The following DSCAM variants were observed in gnomAD, a reference collection of about 807,000 sequenced individuals.
DSCAM encodes DS cell adhesion molecule.
DSCAM carries 47 observed loss-of-function variants against 217.7 expected under a neutral mutation model. That is an observed-to-expected ratio of 0.22 (90% CI 0.17 to 0.28). The LOEUF (loss-of-function observed/expected upper bound fraction) is 0.28, where lower values mean the gene tolerates loss of function less well. DSCAM is among the 10% of genes least tolerant of loss of function. DSCAM has a pLI of 1.00. For synonymous variants in DSCAM, 1,056 were observed against 1,015.3 expected, an observed-to-expected ratio of 1.04 and a Z score of -0.76; for missense variants, 2,080 against 2,618.3, an observed-to-expected ratio of 0.79 and a Z score of 4.49.
chr21:40,081,140 G>A lies in DSCAM; in HGVS notation c.4232-800C>T, dbSNP rs143671894. On this transcript the variant is annotated intron_variant, in intron 24 of 32. Coordinates refer to ENST00000400454, the MANE Select transcript of DSCAM (RefSeq NM_001389.5). Reference sequence around the variant, plus strand: ...ATGCAGATCCTGCAGTCAGCCTGAAGCCCATGTTCTTCACCCCTGTGAATG... The same window carrying A: ...ATGCAGATCCTGCAGTCAGCCTGAAACCCATGTTCTTCACCCCTGTGAATG... Among the ~76,000 whole-genome samples the A allele has an allele frequency of 3.4e-3, 511 of 152,298 alleles. 4 individuals are homozygous for A. Among genetic ancestry groups the A allele is most frequent in the African/African-American group, 0.011 (453 of 41,568 alleles).
In DSCAM at chr21:40,126,041, T is replaced by G. The variant is rs150167086; in HGVS notation, c.3563-1713A>C. Among the ~76,000 whole-genome samples, 604 of 152,326 alleles carry G rather than the reference T, an allele frequency of 4.0e-3. 2 individuals are homozygous for G. The highest frequency in any genetic ancestry group is 6.7e-3 in the Non-Finnish European group (453 of 68,034). On this transcript the variant is annotated intron_variant, in intron 19 of 32. Coordinates refer to ENST00000400454, the MANE Select transcript of DSCAM (RefSeq NM_001389.5). Reference sequence around the variant, plus strand: ...TCAGTTGTATTTGTTTCCAACCTGTTTGTGACAATTGTACGTGTCATGGGT... The same window carrying G: ...TCAGTTGTATTTGTTTCCAACCTGTGTGTGACAATTGTACGTGTCATGGGT...
At chr21:40,106,109 G>T (rs1206874446) in intron 20 of DSCAM, among the ~76,000 whole-genome samples, 1 of 152,172 alleles carries the variant, frequency 6.6e-6, no homozygotes. Context: ...GGCGAAGGAG[G>T]AGCAAAGGCA....
At chr21:40,751,649 T>C (rs906196556) in intron 1 of DSCAM, among the ~76,000 whole-genome samples, 1 of 152,018 alleles carries the variant, frequency 6.6e-6, no homozygotes, top group Non-Finnish European at 1.5e-5. Flanking sequence ...CAAAGAACAT[T>C]GAGGATTAGT....
chr21:40,133,907 C>T lies in DSCAM; in HGVS notation c.3509G>A (p.Arg1170His), dbSNP rs541446344. The change falls in exon 19 of 33, where the codon CGC becomes CAC. Residue 1170 changes from arginine (R) to histidine (H), a missense_variant. Arg to His is a conservative substitution (Grantham distance 29). Coordinates refer to ENST00000400454, the MANE Select transcript of DSCAM (RefSeq NM_001389.5). ...CTCACTCCTGACCCCGTCTCCTGCG[C>T]GGGTGAAGGCCAGCACCTGGATGCT... ...NYSIQVLAFT[R>H]AGDGVRSEQI... 2.5e-5 allele frequency: 41 copies of T among 1,613,704 alleles called. No homozygotes were observed. Among genetic ancestry groups the T allele is most frequent in the Middle Eastern group, 1.7e-4 (1 of 6,052 alleles).
rs369438004 is a variant in DSCAM, at chr21:40,276,185, G to C, written c.2268C>G (p.Val756=). 3.7e-6 allele frequency: 6 copies of C among 1,613,194 alleles called. No individual in the cohort carries two copies. Among genetic ancestry groups the C allele is most frequent in the South Asian group, 2.2e-5 (2 of 91,000 alleles). The change falls in exon 11 of 33, where the codon GTC becomes GTG. Residue 756 remains valine, a synonymous_variant. Transcript: ENST00000400454. The stretch of plus-strand genomic sequence containing the variant: ...GGTAGTAGCCACTGTCTTCCTCCAC[G>C]ACATGCTTGATCAGCAACGACCCAT... ...LSNGSLLIKH[V]VEEDSGYYLC...
At chr21:40,742,166 T>C (rs909986562) in intron 1 of DSCAM, among the ~76,000 whole-genome samples, 9 of 152,174 alleles carry the variant, frequency 5.9e-5, no homozygotes, top group African/African-American at 2.2e-4. Context: ...CCAAGCAGCT[T>C]TAGCCTTTGT....
intron 18 of DSCAM, among the ~76,000 whole-genome samples, chr21:40,136,083 T>G (rs1042641276): frequency 6.6e-6 from 1 of 152,282 alleles, no homozygotes; most frequent in East Asian, 1.9e-4. Flanking sequence ...GACTCCTGTC[T>G]TCTAGGGAGG....
rs1180923027 is a variant in DSCAM, at chr21:40,805,332, C to T, written c.43+41287G>A. Among the ~76,000 whole-genome samples, 12 of 152,170 alleles carry T rather than the reference C, an allele frequency of 7.9e-5. No individual in the cohort carries two copies. In the East Asian group the frequency reaches 1.7e-3, roughly 22 times the overall value. ...AGGGTTCCTTCTGTTTGTTCATTCC[C>T]CCTCCATCCTGCCTTCTGGCTCATG... On this transcript the variant is annotated intron_variant, in intron 1 of 32. Coordinates refer to ENST00000400454, the MANE Select transcript of DSCAM (RefSeq NM_001389.5).
chr21:40,578,409 A>G (rs2076872616), intron 3 of DSCAM, among the ~76,000 whole-genome samples: 1 of 152,058 alleles, frequency 6.6e-6, no homozygotes, highest in African/African-American at 2.4e-5. Context: ...ACCAGTCAGC[A>G]CTCTGTAAAA....
intron 3 of DSCAM, among the ~76,000 whole-genome samples, chr21:40,538,109 A>G (rs918564460): frequency 6.6e-6 from 1 of 152,162 alleles, no homozygotes; most frequent in Non-Finnish European, 1.5e-5. Flanking sequence ...GGGGCCACTC[A>G]GTTGGGTAAA....
chr21:40,374,847 C>T (rs920347418), intron 3 of DSCAM, among the ~76,000 whole-genome samples: 4 of 152,154 alleles, frequency 2.6e-5, no homozygotes, highest in East Asian at 1.9e-4. Context: ...TCTGCCAATA[C>T]CTTGATCTTG....
At chr21:40,652,339 A>G (rs907234887) in intron 3 of DSCAM, among the ~76,000 whole-genome samples, 2 of 34,280 alleles carry the variant, frequency 5.8e-5, no homozygotes, top group Non-Finnish European at 1.0e-4. Flanking sequence ...TGAAAACAAC[A>G]ACAACAACAA....
chr21:40,235,373 A>C (rs1236736327), intron 11 of DSCAM, among the ~76,000 whole-genome samples: 1 of 152,172 alleles, frequency 6.6e-6, no homozygotes, highest in Non-Finnish European at 1.5e-5. Flanking sequence ...CAGGTTTTCA[A>C]AATATGGAGG....
chr21:40,141,533 T>A (rs1457202649), intron 18 of DSCAM, among the ~76,000 whole-genome samples: 1 of 152,140 alleles, frequency 6.6e-6, no homozygotes, highest in Non-Finnish European at 1.5e-5. Context: ...GGAGAATTGC[T>A]TGGGCCCGGG....
At chr21:40,729,841 T>G (rs1382482533) in intron 1 of DSCAM, among the ~76,000 whole-genome samples, 1 of 152,212 alleles carries the variant, frequency 6.6e-6, no homozygotes, top group Non-Finnish European at 1.5e-5. Flanking sequence ...ACATACACTG[T>G]GGTATTAATG....
chr21:40,389,374 G>T (rs1243707228), intron 3 of DSCAM, among the ~76,000 whole-genome samples: 1 of 152,068 alleles, frequency 6.6e-6, no homozygotes, highest in African/African-American at 2.4e-5. Flanking sequence ...AACAGCTAAT[G>T]TTCTAAAAAA....
At chr21:40,113,053 C>G (rs2089920556) in intron 20 of DSCAM, among the ~76,000 whole-genome samples, 1 of 152,174 alleles carries the variant, frequency 6.6e-6, no homozygotes, top group Non-Finnish European at 1.5e-5. Flanking sequence ...GAAATCCTCC[C>G]TAACTCATTT....
intron 32 of DSCAM, among the ~76,000 whole-genome samples, chr21:40,023,232 A>C (rs1161415363): frequency 6.6e-6 from 1 of 152,088 alleles, no homozygotes; most frequent in African/African-American, 2.4e-5. Flanking sequence ...ATAGTGTTCC[A>C]TGGTGTATAT....
intron 11 of DSCAM, among the ~76,000 whole-genome samples, chr21:40,261,898 A>C (rs1601495154): frequency 6.6e-6 from 1 of 152,096 alleles, no homozygotes; most frequent in East Asian, 1.9e-4. Flanking sequence ...GGAGACAGGG[A>C]GGTAATTACT....
Sources: allele counts gnomAD v4.1 joint callset (sites outside exome capture counted in the v4.1 genomes callset), GRCh38; gene constraint gnomAD v4.1.1; transcripts MANE v1.5; gene names NCBI Gene and HGNC (gene_info 2026-07-23, HGNC 2026-07-21).